The following CNTNAP5 variants were observed in gnomAD, a reference collection of about 807,000 sequenced individuals.
CNTNAP5 encodes the protein contactin associated protein family member 5.
A neutral mutation model predicts 150.2 loss-of-function variants in CNTNAP5; 72 were observed. That is an observed-to-expected ratio of 0.48 (90% CI 0.40 to 0.58). CNTNAP5 has a LOEUF of 0.58. Among genes scored for constraint, CNTNAP5 ranks in the 20% least tolerant of loss-of-function variants. CNTNAP5 has a pLI of 0.00. For missense variants in CNTNAP5, 1,636 were observed against 1,626.2 expected (o/e 1.01, Z -0.10); for synonymous variants, 672 against 619.8 (o/e 1.08, Z -1.25).
chr2:124,622,373 G>C (rs909631460), intron 12 of CNTNAP5, among the ~76,000 whole-genome samples: 1 of 151,930 alleles, frequency 6.6e-6, no homozygotes, highest in Non-Finnish European at 1.5e-5. Flanking sequence ...TCTATCATTG[G>C]TGGGCATTTA....
At chr2:124,655,342 GCATAGTA>G (rs1442135006) in intron 13 of CNTNAP5, among the ~76,000 whole-genome samples, 3 of 152,022 alleles carry the variant, frequency 2.0e-5, no homozygotes, top group Non-Finnish European at 2.9e-5. Context: ...TTTTATGGCT[GCATAGTA>G]TTCCATGGTG....
chr2:124,430,814 C>A (rs1284819052), intron 4 of CNTNAP5, among the ~76,000 whole-genome samples: 1 of 152,164 alleles, frequency 6.6e-6, no homozygotes, highest in Admixed American at 6.5e-5. Context: ...CAAACCCAGA[C>A]AGAATTTTTT....
At chr2:124,217,234 T>A (rs1686182208) in intron 1 of CNTNAP5, among the ~76,000 whole-genome samples, 1 of 152,162 alleles carries the variant, frequency 6.6e-6, no homozygotes, top group African/African-American at 2.4e-5. Flanking sequence ...TATATTTTTT[T>A]TCTTAAAATT....
At chr2:124,638,180 G>C (rs1193959173) in intron 12 of CNTNAP5, among the ~76,000 whole-genome samples, 1 of 135,602 alleles carries the variant, frequency 7.4e-6, no homozygotes, top group Non-Finnish European at 1.7e-5. Flanking sequence ...ATATATATAT[G>C]ATATATATGA....
At chr2:124,369,966 C>A (rs991943298) in intron 3 of CNTNAP5, among the ~76,000 whole-genome samples, 7 of 152,036 alleles carry the variant, frequency 4.6e-5, no homozygotes, top group African/African-American at 1.7e-4. Flanking sequence ...GTGGTCATAA[C>A]AATACTTGGT....
intron 19 of CNTNAP5, among the ~76,000 whole-genome samples, chr2:124,798,736 T>G (rs1369356591): frequency 6.6e-6 from 1 of 152,178 alleles, no homozygotes; most frequent in Non-Finnish European, 1.5e-5. Flanking sequence ...GCTGTATTAA[T>G]AGAAGGCAAT....
At chr2:124,051,224 T>C (rs1681686742) in intron 1 of CNTNAP5, among the ~76,000 whole-genome samples, 1 of 152,156 alleles carries the variant, frequency 6.6e-6, no homozygotes, top group South Asian at 2.1e-4. Flanking sequence ...ACACAAACAG[T>C]TCTCAGAGAT....
chr2:124,077,057 C>T (rs370048851), intron 1 of CNTNAP5, among the ~76,000 whole-genome samples: 27 of 152,066 alleles, frequency 1.8e-4, no homozygotes, highest in East Asian at 7.7e-4. Flanking sequence ...GTGGCTGATA[C>T]ATGTAAAAGT....
chr2:124,883,800 G>T (rs1340361584), intron 21 of CNTNAP5, among the ~76,000 whole-genome samples: 2 of 152,082 alleles, frequency 1.3e-5, no homozygotes, highest in East Asian at 3.9e-4. Flanking sequence ...GCATAAACAC[G>T]TGTGGGCAAC....
At chr2:124,100,128 T>C (rs1384099081) in intron 1 of CNTNAP5, among the ~76,000 whole-genome samples, 1 of 151,216 alleles carries the variant, frequency 6.6e-6, no homozygotes, top group African/African-American at 2.4e-5. Context: ...CTTCCAATCA[T>C]GGTGGAAGGA....
intron 13 of CNTNAP5, among the ~76,000 whole-genome samples, chr2:124,729,076 G>A (rs1226548992): frequency 2.0e-5 from 3 of 151,946 alleles, no homozygotes; most frequent in African/African-American, 7.3e-5. Context: ...GACCTTACCA[G>A]GCCTTTTAGT....
chr2:124,727,817 G>A (rs982145832), intron 13 of CNTNAP5, among the ~76,000 whole-genome samples: 3 of 151,670 alleles, frequency 2.0e-5, no homozygotes, highest in African/African-American at 7.3e-5. Flanking sequence ...TTATATAATT[G>A]CTCTGGCCAG....
At chr2:124,416,406 CAT>C (rs1286719958) in intron 3 of CNTNAP5, among the ~76,000 whole-genome samples, 1 of 150,828 alleles carries the variant, frequency 6.6e-6, no homozygotes. Flanking sequence ...TTATTGTTCA[CAT>C]GTCATTCATG....
chr2:124,527,220 TAGGTCGCCAAAG>T, intron 9 of CNTNAP5, 53 bp from the exon 10 acceptor site: 5 of 1,435,938 alleles, frequency 3.5e-6, no homozygotes, highest in Non-Finnish European at 4.8e-6. Context: ...CTTCCATCAA[TAGGTCGCCAAAG>T]CAATGACGGA....
intron 12 of CNTNAP5, 58 bp from the exon 13 acceptor site, chr2:124,647,700 G>A (rs752731058): frequency 2.0e-6 from 3 of 1,488,768 alleles, no homozygotes; most frequent in Non-Finnish European, 2.7e-6. Context: ...CTGCTCACAT[G>A]CTCCATTTTT....
Position 124,504,423 on chromosome 2 carries a change from A to T in CNTNAP5, c.1194A>T (p.Thr398=). Residue 398 remains threonine, a synonymous_variant, in exon 8 of 24, where the codon ACA becomes ACT. Transcript: ENST00000682447. Reference sequence around the variant, plus strand: ...TCTCAGTGAGTTTCCAGTTTCGAACATGGAACAAGGATGGTCTGCTTCTGT... The same window carrying T: ...TCTCAGTGAGTTTCCAGTTTCGAACTTGGAACAAGGATGGTCTGCTTCTGT... The part of the protein sequence containing the change: ...DGLSVSFQFR[T]WNKDGLLLST... 1 of 1,613,886 alleles carries T rather than the reference A, an allele frequency of 6.2e-7. No individual in the cohort carries two copies.
intron 17 of CNTNAP5, among the ~76,000 whole-genome samples, chr2:124,773,945 TGTGAGA>T (rs1441986387): frequency 0.021 from 2,194 of 106,318 alleles, 43 homozygotes; most frequent in African/African-American, 0.07. Flanking sequence ...TGTGTGTGTG[TGTGAGA>T]GAGAGAGAGA....
At chr2:124,878,872 G>C (rs545670209) in intron 21 of CNTNAP5, among the ~76,000 whole-genome samples, 357 of 151,778 alleles carry the variant, frequency 2.4e-3, no homozygotes, top group Admixed American at 4.9e-3. Flanking sequence ...TAGTAGAGAT[G>C]GGGTTTCACC....
chr2:124,674,509 C>CTCTTTCTCTCTTTCTT (rs1678892576), intron 13 of CNTNAP5, among the ~76,000 whole-genome samples: 1 of 115,366 alleles, frequency 8.7e-6, no homozygotes, highest in Non-Finnish European at 1.8e-5. Flanking sequence ...TTCTTTCTTT[C>CTCTTTCTCTCTTTCTT]TCTTTCTTTC....
Sources: gnomAD v4.1 joint callset for allele counts (sites outside exome capture counted in the v4.1 genomes callset) on GRCh38, gnomAD v4.1.1 for gene constraint, MANE v1.5 for transcripts, NCBI Gene and HGNC (gene_info 2026-07-23, HGNC 2026-07-21) for gene names.